The following RGS3 variants were observed in gnomAD, a reference collection of about 807,000 sequenced individuals.
The protein encoded by RGS3 is regulator of G-protein signalling 3.
In RGS3, 80 loss-of-function variants were observed where a neutral mutation model predicts 132.6. The ratio of observed to expected loss-of-function variants is 0.60; its 90% CI spans 0.50 to 0.73. The LOEUF is 0.73. Ranked by LOEUF, RGS3 falls within the 30% of genes least tolerant of loss-of-function variation. The pLI is 0.00. For missense variants in RGS3, 1,382 were observed against 1,530.8 expected (o/e 0.90, Z 1.62); for synonymous variants, 598 against 620.6 (o/e 0.96, Z 0.54).
intron 1 of RGS3, among the ~76,000 whole-genome samples, chr9:113,454,244 G>A (rs1564438759): frequency 1.3e-5 from 2 of 151,910 alleles, no homozygotes; most frequent in Non-Finnish European, 2.9e-5. Flanking sequence ...TTGCCTTTTT[G>A]GGTTCTAGAT....
At chr9:113,460,786 G>T (rs900663516) in intron 1 of RGS3, among the ~76,000 whole-genome samples, 1 of 152,050 alleles carries the variant, frequency 6.6e-6, no homozygotes, top group Non-Finnish European at 1.5e-5. Flanking sequence ...ATATCTTAAA[G>T]TCACTAAGAT....
At chr9:113,465,164 C>A (rs1457944664) in intron 3 of RGS3, among the ~76,000 whole-genome samples, 1 of 152,174 alleles carries the variant, frequency 6.6e-6, no homozygotes, top group Non-Finnish European at 1.5e-5. Flanking sequence ...CTCTGTGAGA[C>A]AAGGGTGGTT....
intron 3 of RGS3, among the ~76,000 whole-genome samples, chr9:113,471,048 G>T (rs1273304385): frequency 2.0e-5 from 3 of 152,132 alleles, no homozygotes; most frequent in Non-Finnish European, 2.9e-5. Context: ...GACCTAGGAT[G>T]ATATTTTCCT....
chr9:113,546,591 C>T (rs2118709534), intron 19 of RGS3, among the ~76,000 whole-genome samples: 1 of 152,288 alleles, frequency 6.6e-6, no homozygotes, highest in Admixed American at 6.5e-5. Flanking sequence ...AAGTTAGTGT[C>T]AGAGCCAGGA....
At chr9:113,525,316 C>G (rs958198413) in intron 17 of RGS3, among the ~76,000 whole-genome samples, 4 of 152,124 alleles carry the variant, frequency 2.6e-5, no homozygotes, top group African/African-American at 9.7e-5. Context: ...CCCCAGCTGC[C>G]CCCACTCCCC....
At chr9:113,505,563 C>G (rs1322167309) in intron 11 of RGS3, 40 bp downstream of exon 9, 1 of 1,523,308 alleles carries the variant, frequency 6.6e-7, no homozygotes, top group African/African-American at 1.4e-5. Context: ...CACTTGCCCA[C>G]CACACATGTG....
chr9:113,467,513 T>C (rs1829683661), intron 3 of RGS3, among the ~76,000 whole-genome samples: 1 of 152,242 alleles, frequency 6.6e-6, no homozygotes, highest in African/African-American at 2.4e-5. Flanking sequence ...GTGCTCATTA[T>C]TTATATATCT....
upstream of RGS3, among the ~76,000 whole-genome samples, chr9:113,457,738 A>G (rs1829394514): frequency 6.6e-6 from 1 of 152,252 alleles, no homozygotes; most frequent in African/African-American, 2.4e-5. Context: ...ATATATAAAT[A>G]CAAATGCTTG....
Position 113,524,950 on chromosome 9 carries a change from C to A in RGS3, c.1870+1909C>A, listed in dbSNP as rs572006461. ...GGTGGTGTGGGGCCTTGGGGTGTCA[C>A]AGAGACTCTCCAGGTGCTGAGCTGC... On this transcript the variant is annotated intron_variant, in intron 17 of 24. Coordinates refer to ENST00000350696, the Ensembl canonical transcript of RGS3. 3.9e-5 allele frequency among the ~76,000 whole-genome samples: 6 copies of A among 152,284 alleles called. No homozygotes were observed. In the East Asian group the frequency reaches 1.2e-3, roughly 29 times the overall value.
intron 19 of RGS3, among the ~76,000 whole-genome samples, chr9:113,567,987 A>G (rs1168897347): frequency 2.6e-5 from 4 of 152,220 alleles, no homozygotes; most frequent in East Asian, 1.9e-4. Context: ...GGCCCTGGAG[A>G]TGGCAGTCTC....
intron 17 of RGS3, 132 bp downstream of exon 15, chr9:113,523,173 G>C: frequency 1.5e-6 from 1 of 648,612 alleles, no homozygotes; most frequent in South Asian, 1.7e-5. Flanking sequence ...CTCTGTCCAT[G>C]GGCTAGTAGG....
At chr9:113,503,787 G>A (rs1379644810) in intron 10 of RGS3, among the ~76,000 whole-genome samples, 1 of 152,180 alleles carries the variant, frequency 6.6e-6, no homozygotes, top group African/African-American at 2.4e-5. Flanking sequence ...AAAAATCCCC[G>A]CTGGTTCCAT....
At chr9:113,517,588 G>A (rs1588189863) in exon 16 of RGS3, 3 of 1,613,514 alleles carry the variant, frequency 1.9e-6, no homozygotes, top group Non-Finnish European at 1.7e-6. Context: ...TGTCAGAGGA[G>A]CTGCTGCTGT....
At chr9:113,592,850 G>A (rs1181615168) in intron 21 of RGS3, 2 of 152,092 alleles carry the variant, frequency 1.3e-5, no homozygotes, top group Non-Finnish European at 2.9e-5. Flanking sequence ...GTAATAATAA[G>A]AATAACCATT....
chr9:113,544,322 A>G (rs902124142), intron 19 of RGS3, among the ~76,000 whole-genome samples: 1 of 96,794 alleles, frequency 1.0e-5, no homozygotes, highest in African/African-American at 4.0e-5. Flanking sequence ...TTTTCTTTTT[A>G]TGTCTCAGGC....
chr9:113,517,021 A>G (rs547780292), intron 15 of RGS3, among the ~76,000 whole-genome samples: 2 of 152,306 alleles, frequency 1.3e-5, no homozygotes, highest in East Asian at 3.9e-4. Flanking sequence ...GGTTTGGGTG[A>G]TAATTGACCC....
chr9:113,541,405 C>G, intron 19 of RGS3: 1 of 1,613,836 alleles, frequency 6.2e-7, no homozygotes, highest in Non-Finnish European at 8.5e-7. Flanking sequence ...TTTACCTCAC[C>G]AGGACAGACT....
In RGS3 at chr9:113,537,767, C is replaced by T. The variant is rs767648869; in HGVS notation, c.2037+849C>T. Among the ~76,000 whole-genome samples, 9 of 152,150 alleles carry T rather than the reference C, an allele frequency of 5.9e-5. No homozygotes were observed. Among genetic ancestry groups the T allele is most frequent in the Non-Finnish European group, 1.3e-4 (9 of 68,040 alleles). ...TCACTTCTCCCTGGTGCAGTCAGTC[C>T]CCTATGCCATGGGCAGCAGGCCTAT... On this transcript the variant is annotated intron_variant, in intron 19 of 24. Transcript: ENST00000350696. The surrounding 1 kb of genome is among the most constrained non-coding windows in gnomAD (Gnocchi z 4.3).
intron 14 of RGS3, among the ~76,000 whole-genome samples, chr9:113,510,015 T>C (rs1831328707): frequency 1.3e-5 from 2 of 152,304 alleles, no homozygotes; most frequent in Non-Finnish European, 2.9e-5. Context: ...TGGTGATTTG[T>C]GAGATTTTGG....
Sources: allele counts gnomAD v4.1 joint callset (sites outside exome capture counted in the v4.1 genomes callset), GRCh38; gene constraint gnomAD v4.1.1; non-coding constraint Gnocchi (gnomAD v3.1); transcripts MANE v1.5; gene names NCBI Gene and HGNC (gene_info 2026-07-23, HGNC 2026-07-21).